Variants in VPS13A observed in about 807,000 individuals in gnomAD.
The protein encoded by VPS13A is vacuolar protein sorting 13 homolog A, also known as intermembrane lipid transfer protein VPS13A.
A neutral mutation model predicts 390.9 loss-of-function variants in VPS13A; 264 were observed. The observed-to-expected ratio is 0.68, with a 90% CI of 0.61 to 0.75. The LOEUF is 0.75. Among genes scored for constraint, VPS13A ranks in the 30% least tolerant of loss-of-function variants. The pLI, the probability that VPS13A is intolerant of heterozygous loss-of-function variation, is 0.00. For missense variants in VPS13A, 3,409 were observed against 3,733.9 expected (o/e 0.91, Z 2.27); for synonymous variants, 1,231 against 1,227.1 (o/e 1.00, Z -0.07).
intron 31 of VPS13A, among the ~76,000 whole-genome samples, chr9:77,288,979 CTG>C (rs1375254347): frequency 2.0e-5 from 3 of 152,156 alleles, no homozygotes; most frequent in African/African-American, 4.8e-5. Flanking sequence ...TCTGTGGTAA[CTG>C]TGCTTGTTCT....
At position 77,337,667 on chromosome 9, in the gene VPS13A, A is replaced by G. The variant is rs116618538; in HGVS notation, c.6378+130A>G. The G allele has an allele frequency of 4.2e-3, 3,801 of 901,734 alleles. 100 individuals carry two copies. The African/African-American group carries it at 0.056, about 13-fold the overall frequency. The allele number at this position is 901,734 out of a possible 1,614,324, so 55.9% of individuals were successfully genotyped here. On this transcript the variant is annotated intron_variant, in intron 47 of 71. Coordinates refer to ENST00000360280, the MANE Select transcript of VPS13A (RefSeq NM_033305.3). ...AATACTAGTAAAGAATAGGTAATGCAGATATTCTTTTGCAACAAGTATGAG... is the reference window on the plus strand; with the variant it reads ...AATACTAGTAAAGAATAGGTAATGCGGATATTCTTTTGCAACAAGTATGAG...
At chr9:77,350,916 A>T in intron 52 of VPS13A, 1 of 180,958 alleles carries the variant, frequency 5.5e-6, no homozygotes, top group Non-Finnish European at 1.2e-5. Context: ...ATGTTTTGTG[A>T]TTTTAAAGAA....
intron 67 of VPS13A, among the ~76,000 whole-genome samples, chr9:77,372,978 A>G (rs1832866335): frequency 6.6e-6 from 1 of 152,110 alleles, no homozygotes; most frequent in Non-Finnish European, 1.5e-5. Context: ...GCTCAAGGAA[A>G]TAAAAGAGGA....
chr9:77,307,510 C>T lies in VPS13A; in HGVS notation c.3961-435C>T, dbSNP rs780104886. ...ATATTCCATAGACCTAGGACTTTTT[C>T]GAGGTTCAAATAAAATAGTTCATGT... is the stretch of plus-strand genomic sequence containing the variant. On this transcript the variant is annotated intron_variant, in intron 34 of 71. Coordinates refer to ENST00000360280, the MANE Select transcript of VPS13A (RefSeq NM_033305.3). Among the ~76,000 whole-genome samples the T allele has an allele frequency of 3.3e-5, 5 of 152,032 alleles. No homozygotes were observed. The East Asian group carries it at 5.8e-4, about 18-fold the overall frequency.
chr9:77,323,164 T>G lies in VPS13A; in HGVS notation c.5928T>G (p.Ser1976=), dbSNP rs1178123414. ...VRHRESGVER[S]IVCQIDTVEG... ...ACAGAGAGTCTGGCGTTGAAAGATC[T>G]ATTGTTTGTCAAATTGATACAGTAG... The change falls in exon 45 of 72, where the codon TCT becomes TCG. Residue 1976 remains serine (S), a synonymous_variant. Coordinates refer to ENST00000360280, the MANE Select transcript of VPS13A (RefSeq NM_033305.3). 1.9e-6 allele frequency: 3 copies of G among 1,613,632 alleles called. No individual in the cohort carries two copies. Among genetic ancestry groups the G allele is most frequent in the Non-Finnish European group, 2.5e-6 (3 of 1,179,658 alleles).
chr9:77,267,515 T>G (rs1313574863), intron 23 of VPS13A, among the ~76,000 whole-genome samples: 1 of 152,204 alleles, frequency 6.6e-6, no homozygotes, highest in African/African-American at 2.4e-5. Flanking sequence ...CAGCAAAGAT[T>G]GCTGCCTGTT....
At chr9:77,338,521 G>A (rs1830650861) in intron 47 of VPS13A, 2 of 152,048 alleles carry the variant, frequency 1.3e-5, no homozygotes, top group African/African-American at 4.8e-5. Flanking sequence ...AATTTGCTTG[G>A]TTAAGACATG....
chr9:77,220,617 T>C (rs1269549934), intron 12 of VPS13A, among the ~76,000 whole-genome samples: 1 of 152,070 alleles, frequency 6.6e-6, no homozygotes, highest in African/African-American at 2.4e-5. Context: ...TACCATAGTT[T>C]TCATTTACTA....
chr9:77,402,122 G>A (rs1166106100), intron 68 of VPS13A, among the ~76,000 whole-genome samples: 2 of 152,042 alleles, frequency 1.3e-5, no homozygotes, highest in Non-Finnish European at 2.9e-5. Flanking sequence ...ATTACAAAGT[G>A]TTTGTGTTTA....
At chr9:77,328,164 G>C (rs1181552942) in intron 45 of VPS13A, among the ~76,000 whole-genome samples, 1 of 152,174 alleles carries the variant, frequency 6.6e-6, no homozygotes, top group African/African-American at 2.4e-5. Context: ...GCAACATTAA[G>C]CTCCTGTACA....
intron 1 of VPS13A, among the ~76,000 whole-genome samples, chr9:77,183,817 A>G (rs528059902): frequency 1.3e-5 from 2 of 152,242 alleles, no homozygotes; most frequent in Non-Finnish European, 2.9e-5. Context: ...ATAGCCCCAA[A>G]TGGGAAACAG....
At chr9:77,223,811 T>A (rs530700905) in intron 13 of VPS13A, among the ~76,000 whole-genome samples, 2 of 152,290 alleles carry the variant, frequency 1.3e-5, no homozygotes, top group South Asian at 4.1e-4. Context: ...AAGGTGGCTA[T>A]ACTAAACAGA....
At chr9:77,212,830 T>C (rs1290232006) in intron 7 of VPS13A, 139 bp from the exon 8 acceptor site, 2 of 882,186 alleles carry the variant, frequency 2.3e-6, no homozygotes, top group Non-Finnish European at 1.8e-6. Flanking sequence ...TCAGTTAGTA[T>C]TTTTTGATGG....
At chr9:77,237,922 A>AT in intron 17 of VPS13A, 80 bp from the exon 18 acceptor site, 5 of 1,131,562 alleles carry the variant, frequency 4.4e-6, no homozygotes, top group Non-Finnish European at 6.5e-6. Context: ...GTCTTCATTA[A>AT]TTTTTTAAAT....
chr9:77,301,559 TC>T (rs986252467), intron 33 of VPS13A, among the ~76,000 whole-genome samples: 1 of 152,200 alleles, frequency 6.6e-6, no homozygotes, highest in African/African-American at 2.4e-5. Flanking sequence ...TTGCCAAAAT[TC>T]TACAGTCATG....
At chr9:77,384,964 C>T in intron 68 of VPS13A, 2 of 1,120,674 alleles carry the variant, frequency 1.8e-6, no homozygotes, top group Non-Finnish European at 2.2e-6. Flanking sequence ...TCAAGTTAGA[C>T]TTAAATATAA....
intron 1 of VPS13A, among the ~76,000 whole-genome samples, chr9:77,189,150 T>G (rs1322462767): frequency 6.6e-6 from 1 of 150,832 alleles, no homozygotes; most frequent in South Asian, 2.1e-4. Flanking sequence ...TTTTTTTTTT[T>G]GTAGTTCTGG....
At chr9:77,225,801 A>C (rs1823474351) in intron 13 of VPS13A, 125 bp from the exon 14 acceptor site, 1 of 706,132 alleles carries the variant, frequency 1.4e-6, no homozygotes, top group Admixed American at 2.3e-5. Flanking sequence ...ATATTGATGA[A>C]TGTTCTGTTG....
At chr9:77,205,172 C>T in intron 3 of VPS13A, 141 bp from the exon 4 acceptor site, 2 of 386,312 alleles carry the variant, frequency 5.2e-6, no homozygotes, top group Non-Finnish European at 9.6e-6. Context: ...TGTAAAATAG[C>T]TTTCAATAAA....
Sources: gnomAD v4.1 joint callset for allele counts (sites outside exome capture counted in the v4.1 genomes callset) on GRCh38, gnomAD v4.1.1 for gene constraint, MANE v1.5 for transcripts, NCBI Gene and HGNC (gene_info 2026-07-23, HGNC 2026-07-21) for gene names.